Variants in REDIC1 observed in about 807,000 individuals in gnomAD.
The protein encoded by REDIC1 is regulator of DNA class I crossover intermediates 1.
At chr12:39,765,994 C>T in the REDIC1 span, among the ~76,000 whole-genome samples, 4 of 152,048 alleles carry the variant, frequency 2.6e-5, no homozygotes, top group African/African-American at 9.7e-5. Flanking sequence ...TTTCTGTGCT[C>T]CGTATAATGC....
chr12:39,728,158 AG>A, the REDIC1 span, among the ~76,000 whole-genome samples: 1 of 152,076 alleles, frequency 6.6e-6, no homozygotes, highest in Admixed American at 6.5e-5. Context: ...TGATTACCCT[AG>A]CCAGAACTTC....
At chr12:39,864,364 T>G in the REDIC1 span, among the ~76,000 whole-genome samples, 4 of 152,228 alleles carry the variant, frequency 2.6e-5, no homozygotes, top group African/African-American at 9.6e-5. Context: ...GTCAGAATAT[T>G]CAGAGGGCAT....
the REDIC1 span, among the ~76,000 whole-genome samples, chr12:39,627,042 G>A: frequency 5.9e-5 from 9 of 152,256 alleles, no homozygotes; most frequent in East Asian, 1.7e-3. Context: ...CAAAATTCTT[G>A]ATGAGAAGAA....
At chr12:39,772,119 T>A in the REDIC1 span, among the ~76,000 whole-genome samples, 1 of 152,284 alleles carries the variant, frequency 6.6e-6, no homozygotes, top group South Asian at 2.1e-4. Flanking sequence ...TGTATGGTCA[T>A]ATATTAATAT....
the REDIC1 span, among the ~76,000 whole-genome samples, chr12:39,656,083 T>A: frequency 6.6e-6 from 1 of 152,218 alleles, no homozygotes; most frequent in African/African-American, 2.4e-5. Flanking sequence ...TGACTTTGAT[T>A]TGGTAAAATT....
At chr12:39,631,130 TC>T in the REDIC1 span, among the ~76,000 whole-genome samples, 2 of 151,814 alleles carry the variant, frequency 1.3e-5, no homozygotes, top group African/African-American at 2.4e-5. Flanking sequence ...CCTCAAGTGA[TC>T]CCCCCACCTC....
At chr12:39,786,194 G>A in the REDIC1 span, among the ~76,000 whole-genome samples, 2 of 152,170 alleles carry the variant, frequency 1.3e-5, no homozygotes, top group African/African-American at 4.8e-5. Flanking sequence ...GAATTCCCAT[G>A]TATTGTGGGA....
At chr12:39,705,281 A>T in the REDIC1 span, among the ~76,000 whole-genome samples, 1 of 152,030 alleles carries the variant, frequency 6.6e-6, no homozygotes. Context: ...CCAAAACCTG[A>T]ACAGTCCAAT....
the REDIC1 span, among the ~76,000 whole-genome samples, chr12:39,649,282 C>CA: frequency 1.3e-5 from 2 of 151,054 alleles, no homozygotes; most frequent in Non-Finnish European, 1.5e-5. Context: ...GGAGGAATTT[C>CA]AAAAAAAGTG....
the REDIC1 span, among the ~76,000 whole-genome samples, chr12:39,718,034 A>G: frequency 2.0e-5 from 3 of 151,794 alleles, no homozygotes; most frequent in African/African-American, 4.8e-5. Context: ...TGTAAATCCT[A>G]TGAAGTCATG....
At chr12:39,762,603 T>C in the REDIC1 span, among the ~76,000 whole-genome samples, 3 of 152,126 alleles carry the variant, frequency 2.0e-5, no homozygotes, top group South Asian at 4.1e-4. Context: ...TTTGAGATCT[T>C]ATGAAACAAT....
the REDIC1 span, among the ~76,000 whole-genome samples, chr12:39,726,553 C>T: frequency 2.0e-5 from 3 of 152,264 alleles, no homozygotes; most frequent in South Asian, 4.2e-4. Context: ...TTTCTTTATC[C>T]AGTCTATCAT....
the REDIC1 span, among the ~76,000 whole-genome samples, chr12:39,834,965 T>G: frequency 6.6e-6 from 1 of 152,080 alleles, no homozygotes; most frequent in Non-Finnish European, 1.5e-5. Context: ...GAACAACTTC[T>G]AGGAATGGCT....
chr12:39,650,161 A>G, the REDIC1 span: 13 of 1,304,074 alleles, frequency 1.0e-5, no homozygotes, highest in Non-Finnish European at 1.3e-5. This position sits in a 1 kb window ranked among gnomAD's most constrained non-coding sequence, Gnocchi z 4.3. Flanking sequence ...CATTTACATG[A>G]CATTTTATGG....
the REDIC1 span, among the ~76,000 whole-genome samples, chr12:39,675,438 C>T: frequency 3.3e-5 from 5 of 152,172 alleles, no homozygotes; most frequent in African/African-American, 1.2e-4. Flanking sequence ...GGCAAACTTG[C>T]ATACCCCTTC....
the REDIC1 span, chr12:39,908,266 C>T: frequency 6.6e-5 from 10 of 152,022 alleles, no homozygotes; most frequent in East Asian, 1.5e-3. Context: ...TCCATTATTT[C>T]CTAATGTTTT....
chr12:39,709,691 A>T, the REDIC1 span, among the ~76,000 whole-genome samples: 3 of 151,682 alleles, frequency 2.0e-5, no homozygotes, highest in Non-Finnish European at 4.4e-5. Context: ...TTCGTTGCTG[A>T]ATAGTATTCA....
chr12:39,794,062 A>G, the REDIC1 span, among the ~76,000 whole-genome samples: 2 of 146,530 alleles, frequency 1.4e-5, no homozygotes, highest in Non-Finnish European at 3.0e-5. Context: ...CTCCCTCTAA[A>G]TTACTCTTTT....
chr12:39,812,401 T>TCTTC, the REDIC1 span, among the ~76,000 whole-genome samples: 19 of 143,252 alleles, frequency 1.3e-4, 1 homozygote, highest in East Asian at 4.0e-4. Context: ...TCTCTCTCTT[T>TCTTC]CTTCCTTCCT....
Sources: allele counts gnomAD v4.1 joint callset (sites outside exome capture counted in the v4.1 genomes callset), GRCh38; gene constraint gnomAD v4.1.1; non-coding constraint Gnocchi (gnomAD v3.1); transcripts MANE v1.5; gene names NCBI Gene and HGNC (gene_info 2026-07-23, HGNC 2026-07-21).